Variants in DSCAM observed in about 807,000 individuals in gnomAD.
DSCAM encodes the protein DS cell adhesion molecule.
DSCAM carries 47 observed loss-of-function variants against 217.7 expected under a neutral mutation model. The observed-to-expected ratio is 0.22, with a 90% CI of 0.17 to 0.28. The LOEUF is 0.28. Among genes scored for constraint, DSCAM ranks in the 10% least tolerant of loss-of-function variants. DSCAM has a pLI of 1.00. For synonymous variants in DSCAM, 1,056 were observed against 1,015.3 expected, an observed-to-expected ratio of 1.04 and a Z score of -0.76; for missense variants, 2,080 against 2,618.3, an observed-to-expected ratio of 0.79 and a Z score of 4.49.
chr21:40,180,283 T>A (rs2090784997), intron 14 of DSCAM, among the ~76,000 whole-genome samples: 1 of 152,172 alleles, frequency 6.6e-6, no homozygotes, highest in African/African-American at 2.4e-5. Flanking sequence ...GAGTTAAACA[T>A]AAATGCAAGA....
chr21:40,835,201 G>A lies in DSCAM; in HGVS notation c.43+11418C>T, dbSNP rs539740601. On this transcript the variant is annotated intron_variant, in intron 1 of 32. Transcript: ENST00000400454. The stretch of plus-strand genomic sequence containing the variant: ...ACAATTACTCATGAGTCTAACACAG[G>A]TTATTAAATCTGATGATGGAAATAT... Among the ~76,000 whole-genome samples the A allele has an allele frequency of 2.0e-5, 3 of 152,186 alleles. No homozygotes were observed. In the South Asian group the frequency reaches 6.2e-4, roughly 32 times the overall value.
intron 1 of DSCAM, among the ~76,000 whole-genome samples, chr21:40,751,243 C>T (rs1229691904): frequency 6.6e-6 from 1 of 152,204 alleles, no homozygotes; most frequent in Admixed American, 6.6e-5. Flanking sequence ...CTATCTGAAA[C>T]TCCACGTCTC....
chr21:40,671,403 C>G (rs925630456), intron 3 of DSCAM, among the ~76,000 whole-genome samples: 4 of 152,148 alleles, frequency 2.6e-5, no homozygotes, highest in Non-Finnish European at 4.4e-5. Flanking sequence ...AGGCCTGGCA[C>G]AGTGGCTCAT....
Position 40,080,309 on chromosome 21 carries a change from A to G in DSCAM, c.4263T>C (p.Ser1421=), listed in dbSNP as rs1341407701. 6.2e-7 allele frequency: 1 copy of G among 1,612,824 alleles called. No individual in the cohort carries two copies. Among genetic ancestry groups the G allele is most frequent in the Non-Finnish European group, 8.5e-7 (1 of 1,179,628 alleles). Residue 1421 remains serine, a synonymous_variant, in exon 25 of 33, where the codon AGT becomes AGC. Transcript: ENST00000400454. ...GYILQYSEDN[S]EQWGSFPISP... ...TGATTGGAAAACTCCCCCACTGCTCACTATTGTCCTCGGAGTACTGCAGTA... is the reference window on the plus strand; with the variant it reads ...TGATTGGAAAACTCCCCCACTGCTCGCTATTGTCCTCGGAGTACTGCAGTA...
chr21:40,735,656 A>G (rs1378602910), intron 1 of DSCAM, among the ~76,000 whole-genome samples: 1 of 152,230 alleles, frequency 6.6e-6, no homozygotes, highest in Non-Finnish European at 1.5e-5. Context: ...GATTAGTCCT[A>G]TTTTAAGAAG....
At chr21:40,272,123 C>T (rs2073626063) in intron 11 of DSCAM, among the ~76,000 whole-genome samples, 1 of 151,214 alleles carries the variant, frequency 6.6e-6, no homozygotes, top group Non-Finnish European at 1.5e-5. Flanking sequence ...TCAAACAGTT[C>T]CTGGTTGGGG....
At chr21:40,492,448 G>A (rs192170161) in intron 3 of DSCAM, among the ~76,000 whole-genome samples, 1 of 152,106 alleles carries the variant, frequency 6.6e-6, no homozygotes, top group Non-Finnish European at 1.5e-5. Context: ...AAATTTTTAA[G>A]AAACCTCAGA....
At chr21:40,674,753 C>G (rs2090318244) in intron 3 of DSCAM, among the ~76,000 whole-genome samples, 1 of 151,286 alleles carries the variant, frequency 6.6e-6, no homozygotes, top group South Asian at 2.1e-4. Context: ...CTGCCTCAGC[C>G]TCCCGGGTAG....
At chr21:40,694,532 C>G (rs920120230) in intron 2 of DSCAM, among the ~76,000 whole-genome samples, 11 of 151,978 alleles carry the variant, frequency 7.2e-5, no homozygotes, top group South Asian at 2.1e-4. Context: ...TGAAAGCCTT[C>G]CTCTCCAGTT....
intron 3 of DSCAM, among the ~76,000 whole-genome samples, chr21:40,483,661 T>C (rs2076001626): frequency 6.6e-6 from 1 of 152,216 alleles, no homozygotes; most frequent in African/African-American, 2.4e-5. Context: ...TATTTATATA[T>C]AATTCCTTTA....
At chr21:40,367,553 G>C (rs572245093) in intron 4 of DSCAM, among the ~76,000 whole-genome samples, 27 of 152,278 alleles carry the variant, frequency 1.8e-4, no homozygotes, top group African/African-American at 6.5e-4. Context: ...TGTATTCAGT[G>C]TCTACAGTCT....
At chr21:40,241,370 A>G (rs982330845) in intron 11 of DSCAM, among the ~76,000 whole-genome samples, 1 of 152,242 alleles carries the variant, frequency 6.6e-6, no homozygotes. Context: ...ACATGTAGCC[A>G]ACAAATATAT....
chr21:40,611,865 T>C (rs2089320430), intron 3 of DSCAM, among the ~76,000 whole-genome samples: 1 of 150,820 alleles, frequency 6.6e-6, no homozygotes, highest in Non-Finnish European at 1.5e-5. Context: ...ACTGCACCCA[T>C]GGGTCAGTGG....
chr21:40,155,739 G>A (rs909305659), intron 16 of DSCAM, among the ~76,000 whole-genome samples: 7 of 152,126 alleles, frequency 4.6e-5, no homozygotes, highest in Non-Finnish European at 8.8e-5. Flanking sequence ...GAGGTCAGTC[G>A]GGCAGGGGTG....
intron 21 of DSCAM, among the ~76,000 whole-genome samples, chr21:40,092,909 A>G (rs7276417): frequency 0.17 from 25,671 of 152,056 alleles, 2,332 homozygotes; most frequent in African/African-American, 0.22. Context: ...CTATTTCTTA[A>G]CTATCTCATT....
intron 1 of DSCAM, among the ~76,000 whole-genome samples, chr21:40,782,019 A>T (rs866224508): frequency 2.6e-5 from 4 of 151,104 alleles, no homozygotes; most frequent in Non-Finnish European, 4.4e-5. Flanking sequence ...AAGAAAAAAA[A>T]AATTAGCCAG....
chr21:40,339,038 C>T, intron 7 of DSCAM, 81 bp downstream of exon 7: 1 of 1,542,514 alleles, frequency 6.5e-7, no homozygotes, highest in Non-Finnish European at 8.8e-7. Context: ...ATTCCAAGAC[C>T]CAGCTCGGTG....
intron 1 of DSCAM, among the ~76,000 whole-genome samples, chr21:40,818,097 C>T (rs1044163121): frequency 5.8e-5 from 5 of 86,914 alleles, no homozygotes; most frequent in Admixed American, 2.5e-4. Context: ...AGCGAGACTC[C>T]GTCTCAAAAA....
At chr21:40,628,513 G>T (rs568509067) in intron 3 of DSCAM, among the ~76,000 whole-genome samples, 1 of 152,276 alleles carries the variant, frequency 6.6e-6, no homozygotes, top group African/African-American at 2.4e-5. Context: ...AAGATCATTT[G>T]TTTATGTATT....
Sources: gnomAD v4.1 joint callset for allele counts (sites outside exome capture counted in the v4.1 genomes callset) on GRCh38, gnomAD v4.1.1 for gene constraint, MANE v1.5 for transcripts, NCBI Gene and HGNC (gene_info 2026-07-23, HGNC 2026-07-21) for gene names.